HIPK2: variants seen among roughly 807,000 people sequenced by gnomAD.
HIPK2 encodes homeodomain interacting protein kinase 2.
A neutral mutation model predicts 113.7 loss-of-function variants in HIPK2; 27 were observed. The observed-to-expected ratio is 0.24, with a 90% CI of 0.17 to 0.33. The LOEUF is 0.33. Ranked by LOEUF, HIPK2 falls within the 10% of genes least tolerant of loss-of-function variation. The pLI, the probability that HIPK2 is intolerant of heterozygous loss-of-function variation, is 1.00. For synonymous variants in HIPK2, 631 were observed against 642.2 expected, an observed-to-expected ratio of 0.98 and a Z score of 0.26; for missense variants, 1,257 against 1,588.0, an observed-to-expected ratio of 0.79 and a Z score of 3.54.
chr7:139,623,654 T>C (rs546917194), intron 6 of HIPK2, among the ~76,000 whole-genome samples: 4 of 152,320 alleles, frequency 2.6e-5, no homozygotes, highest in Non-Finnish European at 5.9e-5. Flanking sequence ...TATCTGTTTG[T>C]TGCAATGCCA....
rs1420863677 is a variant in HIPK2 at position 139,714,791 on chromosome 7, C to A, written c.1103+1141G>T. ...GCACTGTTCGGCACCACCCCAAACA[C>A]ACCCCCAGGCTGGTTCCACAGAGCA... is the stretch of plus-strand genomic sequence containing the variant. On this transcript the variant is annotated intron_variant, in intron 2 of 14. Coordinates refer to ENST00000406875, the MANE Select transcript of HIPK2 (RefSeq NM_022740.5). This position sits in a 1 kb window ranked among gnomAD's most constrained non-coding sequence, Gnocchi z 4.2. 6.6e-6 allele frequency among the ~76,000 whole-genome samples: 1 copy of A among 152,218 alleles called. No individual in the cohort carries two copies. Among genetic ancestry groups the A allele is most frequent in the Non-Finnish European group, 1.5e-5 (1 of 68,024 alleles).
chr7:139,614,679 G>C lies in HIPK2; in HGVS notation c.1783-186C>G, dbSNP rs374165334. On this transcript the variant is annotated intron_variant, in intron 7 of 14. Transcript: ENST00000406875. ...CGATTGAAAGTCGCAGGGAAAAGCAGGTCCCTGAAAACATGGGAGACAGTC... is the reference window on the plus strand; with the variant it reads ...CGATTGAAAGTCGCAGGGAAAAGCACGTCCCTGAAAACATGGGAGACAGTC... 3.3e-4 allele frequency among the ~76,000 whole-genome samples: 50 copies of C among 152,268 alleles called. No homozygotes were observed. In the South Asian group the frequency reaches 0.01, roughly 32 times the overall value.
intron 1 of HIPK2, among the ~76,000 whole-genome samples, chr7:139,757,141 T>C (rs1421954630): frequency 1.3e-5 from 2 of 152,186 alleles, no homozygotes; most frequent in Admixed American, 6.5e-5. Flanking sequence ...CTTAGACATA[T>C]GTACCAGCAA....
chr7:139,742,128 C>T (rs747588067), intron 1 of HIPK2, among the ~76,000 whole-genome samples: 8 of 152,172 alleles, frequency 5.3e-5, no homozygotes, highest in Non-Finnish European at 8.8e-5. Context: ...GTCATAAACC[C>T]TTACTCAGCC....
At chr7:139,602,810 T>C (rs1003646967) in intron 10 of HIPK2, among the ~76,000 whole-genome samples, 1 of 152,166 alleles carries the variant, frequency 6.6e-6, no homozygotes, top group African/African-American at 2.4e-5. Flanking sequence ...GCCAAGTGCT[T>C]TGTATTTTAT....
intron 2 of HIPK2, among the ~76,000 whole-genome samples, chr7:139,704,118 CACCA>C (rs2116869133): frequency 7.3e-6 from 1 of 136,586 alleles, no homozygotes; most frequent in South Asian, 2.5e-4. Context: ...ACCCAACACA[CACCA>C]CACACACACC....
At chr7:139,770,418 T>C (rs866233041) in intron 1 of HIPK2, among the ~76,000 whole-genome samples, 2 of 152,252 alleles carry the variant, frequency 1.3e-5, no homozygotes, top group African/African-American at 4.8e-5. Flanking sequence ...TGTATAGAGC[T>C]GGCTTCTTAT....
intron 6 of HIPK2, among the ~76,000 whole-genome samples, chr7:139,623,090 A>C (rs1800294013): frequency 6.6e-6 from 1 of 152,096 alleles, no homozygotes; most frequent in Non-Finnish European, 1.5e-5. Flanking sequence ...CAGTCATCCC[A>C]TTTTACCCGT....
intron 2 of HIPK2, among the ~76,000 whole-genome samples, chr7:139,713,308 C>T (rs1401687904): frequency 1.3e-5 from 2 of 152,160 alleles, no homozygotes; most frequent in South Asian, 2.1e-4. Context: ...AGTCAGCCCT[C>T]CCCAACCCTC....
chr7:139,767,281 G>A (rs1047735967), intron 1 of HIPK2, among the ~76,000 whole-genome samples: 1 of 152,196 alleles, frequency 6.6e-6, no homozygotes, highest in African/African-American at 2.4e-5. Flanking sequence ...GAACTGAAGG[G>A]CAAAAAGGTT....
At chr7:139,757,127 G>A (rs1378336323) in intron 1 of HIPK2, among the ~76,000 whole-genome samples, 1 of 152,084 alleles carries the variant, frequency 6.6e-6, no homozygotes, top group African/African-American at 2.4e-5. Context: ...ATGAGACACA[G>A]ACACTTAGAC....
intron 2 of HIPK2, among the ~76,000 whole-genome samples, chr7:139,669,564 G>C (rs1208695202): frequency 6.9e-6 from 1 of 144,846 alleles, no homozygotes; most frequent in Non-Finnish European, 1.5e-5. Context: ...GGCAAATAGA[G>C]ATGAGCATGA....
chr7:139,581,846 TGG>T (rs1798679901), intron 13 of HIPK2, among the ~76,000 whole-genome samples: 1 of 152,192 alleles, frequency 6.6e-6, no homozygotes, highest in African/African-American at 2.4e-5. Context: ...CTCCCGCATA[TGG>T]TATGAGTTCA....
chr7:139,755,067 G>C lies in HIPK2; in HGVS notation c.19+22538C>G, dbSNP rs1548749. 8.7e-3 allele frequency among the ~76,000 whole-genome samples: 1,322 copies of C among 152,298 alleles called. 13 individuals carry two copies. The highest frequency in any genetic ancestry group is 0.03 in the African/African-American group (1,243 of 41,552). ...CCAGCATGGGGGGGATGCACATCCT[G>C]GTCAGTTTAACTCAGCCAGGGCTCA... is the stretch of plus-strand genomic sequence containing the variant. On this transcript the variant is annotated intron_variant, in intron 1 of 14. Coordinates refer to ENST00000406875, the MANE Select transcript of HIPK2 (RefSeq NM_022740.5).
intron 9 of HIPK2, among the ~76,000 whole-genome samples, chr7:139,606,853 G>A (rs1799635622): frequency 6.6e-6 from 1 of 152,136 alleles, no homozygotes; most frequent in South Asian, 2.1e-4. Flanking sequence ...TCTTAAATAG[G>A]AATGAATAGC....
At chr7:139,707,127 A>G (rs972771084) in intron 2 of HIPK2, among the ~76,000 whole-genome samples, 2 of 152,186 alleles carry the variant, frequency 1.3e-5, no homozygotes, top group African/African-American at 4.8e-5. Flanking sequence ...CCCTGAGTGT[A>G]CAGCAGCCCA....
At chr7:139,758,595 C>T (rs1796399994) in intron 1 of HIPK2, among the ~76,000 whole-genome samples, 1 of 152,186 alleles carries the variant, frequency 6.6e-6, no homozygotes, top group Admixed American at 6.5e-5. Context: ...GCTCCGCCTC[C>T]TGTCAGATCA....
chr7:139,637,392 G>A (rs115936306), intron 2 of HIPK2, among the ~76,000 whole-genome samples: 4,545 of 152,294 alleles, frequency 0.03, 223 homozygotes, highest in African/African-American at 0.1. Context: ...AGCTTAATAC[G>A]TTGCAGGCCC....
At chr7:139,740,174 G>A (rs898675050) in intron 1 of HIPK2, among the ~76,000 whole-genome samples, 1 of 152,144 alleles carries the variant, frequency 6.6e-6, no homozygotes, top group Admixed American at 6.5e-5. Flanking sequence ...CAGGCAAAGC[G>A]CACAGAAGGC....
Sources: allele counts gnomAD v4.1 joint callset (sites outside exome capture counted in the v4.1 genomes callset), GRCh38; gene constraint gnomAD v4.1.1; non-coding constraint Gnocchi (gnomAD v3.1); transcripts MANE v1.5; gene names NCBI Gene and HGNC (gene_info 2026-07-23, HGNC 2026-07-21).